Variants in VAC14 observed in about 807,000 individuals in gnomAD.
The protein encoded by VAC14 is VAC14 component of PIKFYVE complex, also known as protein VAC14 homolog.
In VAC14, 47 loss-of-function variants were observed where a neutral mutation model predicts 85.3. The observed-to-expected ratio is 0.55, with a 90% CI of 0.44 to 0.70. VAC14 has a LOEUF of 0.70. Ranked by LOEUF, VAC14 falls within the 30% of genes least tolerant of loss-of-function variation. VAC14 has a pLI of 0.00. For synonymous variants in VAC14, 447 were observed against 430.5 expected, an observed-to-expected ratio of 1.04 and a Z score of -0.47; for missense variants, 861 against 1,004.3, an observed-to-expected ratio of 0.86 and a Z score of 1.93.
At chr16:70,741,799 C>T (rs1303110650) in intron 13 of VAC14, among the ~76,000 whole-genome samples, 1 of 152,252 alleles carries the variant, frequency 6.6e-6, no homozygotes, top group Non-Finnish European at 1.5e-5. Context: ...GCAAGAGTCT[C>T]TACTGCCATA....
At chr16:70,697,031 G>A in intron 16 of VAC14, 108 bp downstream of exon 16, 2 of 832,200 alleles carry the variant, frequency 2.4e-6, no homozygotes, top group Middle Eastern at 2.3e-4. Flanking sequence ...GTGGAGGGGT[G>A]GGGACAGGAG....
Position 70,731,750 on chromosome 16 carries a change from G to C in VAC14, c.1529-123C>G, listed in dbSNP as rs988788162. 7 of 1,070,784 alleles carry C rather than the reference G, an allele frequency of 6.5e-6. No homozygotes were observed. In the African/African-American group the frequency reaches 1.1e-4, roughly 17 times the overall value. The allele number at this position is 1,070,784 out of a possible 1,614,324, so 66.3% of individuals were successfully genotyped here. A position where few individuals can be genotyped will look rare whatever the true frequency, so the allele number is the denominator to read the frequency against. On this transcript the variant is annotated intron_variant, in intron 13 of 18. Coordinates refer to ENST00000261776, the MANE Select transcript of VAC14 (RefSeq NM_018052.5). ...ATGTGTGTGGGGGGTGTTATAACAA[G>C]ATGAGGGAAAATCTCTAATCAAGAG...
At chr16:70,758,949 G>A (rs1015311759) in intron 12 of VAC14, among the ~76,000 whole-genome samples, 3 of 152,244 alleles carry the variant, frequency 2.0e-5, no homozygotes, top group African/African-American at 7.2e-5. Context: ...CTTGAATAAT[G>A]GGAAGGCAGA....
intron 13 of VAC14, among the ~76,000 whole-genome samples, chr16:70,738,547 CA>C (rs2029934223): frequency 6.6e-6 from 1 of 151,962 alleles, no homozygotes; most frequent in Non-Finnish European, 1.5e-5. Flanking sequence ...GGGCCAAAGG[CA>C]GCGAGGAGAG....
intron 16 of VAC14, among the ~76,000 whole-genome samples, chr16:70,696,174 C>T (rs2053703162): frequency 6.6e-6 from 1 of 152,202 alleles, no homozygotes; most frequent in African/African-American, 2.4e-5. Context: ...TCCTGGGTTA[C>T]ATGTCAGGCA....
Position 70,697,122 on chromosome 16 carries a change from A to G in VAC14, c.1955+17T>C, listed in dbSNP as rs1232342355. 2 of 1,602,002 alleles carry G rather than the reference A, an allele frequency of 1.2e-6. No homozygotes were observed. Among genetic ancestry groups the G allele is most frequent in the South Asian group, 1.1e-5 (1 of 90,658 alleles). ...CCCTCAGAGGCTCAACCCCAACCAC[A>G]GTGAGAGGAAGGATACAACTTCTGG... On this transcript the variant is annotated intron_variant, in intron 16 of 18. Transcript: ENST00000261776.
intron 14 of VAC14, among the ~76,000 whole-genome samples, chr16:70,721,393 G>A (rs1290925100): frequency 6.6e-6 from 1 of 151,996 alleles, no homozygotes; most frequent in African/African-American, 2.4e-5. Flanking sequence ...AAGAGGAAGA[G>A]GAGGAGGTGG....
At chr16:70,706,288 G>A (rs1055100612) in intron 14 of VAC14, among the ~76,000 whole-genome samples, 10 of 152,252 alleles carry the variant, frequency 6.6e-5, no homozygotes, top group African/African-American at 1.4e-4. Context: ...TGGGCTGGAT[G>A]CTGATTCTGA....
chr16:70,698,727 G>C lies in VAC14; in HGVS notation c.1746C>G (p.Ala582=). The stretch of plus-strand genomic sequence containing the variant: ...TGTTGAGGGCGTGGACCATGGTCGA[G>C]GCGAACTTGAGGTCCTCCTCCCGCA... ...ILLREEDLKF[A]STMVHALNTI... Residue 582 remains alanine, a synonymous_variant, in exon 15 of 19, where the codon GCC becomes GCG. Transcript: ENST00000261776. The C allele has an allele frequency of 6.2e-7, 1 of 1,614,200 alleles. No individual in the cohort carries two copies. Among genetic ancestry groups the C allele is most frequent in the Non-Finnish European group, 8.5e-7 (1 of 1,180,020 alleles).
intron 15 of VAC14, 104 bp from the exon 16 acceptor site, chr16:70,697,361 C>A: frequency 1.1e-6 from 1 of 901,324 alleles, no homozygotes; most frequent in Admixed American, 2.4e-5. Context: ...GTCCCAGGGG[C>A]CTTCAGTCGG....
intron 8 of VAC14, 117 bp from the exon 9 acceptor site, chr16:70,781,056 TG>T: frequency 7.0e-7 from 1 of 1,420,582 alleles, no homozygotes. Flanking sequence ...GTTTCGGTCA[TG>T]GGGGTGGATC....
chr16:70,730,711 T>G (rs1048794589), intron 14 of VAC14, among the ~76,000 whole-genome samples: 14 of 151,408 alleles, frequency 9.2e-5, no homozygotes, highest in Middle Eastern at 3.2e-3. Context: ...GATTTGTGTG[T>G]CTCAGCCTCT....
intron 10 of VAC14, among the ~76,000 whole-genome samples, chr16:70,764,417 A>T (rs997594029): frequency 1.3e-5 from 2 of 152,060 alleles, no homozygotes; most frequent in Admixed American, 1.3e-4. Context: ...GAAACACTTA[A>T]ATCTTTGCTA....
chr16:70,729,749 C>G (rs2054535258), intron 14 of VAC14, among the ~76,000 whole-genome samples: 1 of 152,074 alleles, frequency 6.6e-6, no homozygotes, highest in Non-Finnish European at 1.5e-5. Flanking sequence ...TAAGAACTCC[C>G]TAAGAATGAA....
At chr16:70,779,781 T>C (rs886971260) in intron 9 of VAC14, among the ~76,000 whole-genome samples, 12 of 152,076 alleles carry the variant, frequency 7.9e-5, no homozygotes, top group Non-Finnish European at 4.4e-5. Context: ...GCATCAGGGT[T>C]CTAGATTACA....
intron 10 of VAC14, among the ~76,000 whole-genome samples, chr16:70,767,708 C>A (rs1444212078): frequency 6.6e-6 from 1 of 152,166 alleles, no homozygotes; most frequent in Non-Finnish European, 1.5e-5. Flanking sequence ...AGCTTGGCTA[C>A]TAATTAGTTG....
chr16:70,722,886 C>T (rs1323597941), intron 14 of VAC14, among the ~76,000 whole-genome samples: 1 of 152,050 alleles, frequency 6.6e-6, no homozygotes, highest in South Asian at 2.1e-4. Flanking sequence ...TCAAGACCAG[C>T]CTGGGCAACA....
At chr16:70,748,290 G>C (rs992841117) in intron 12 of VAC14, among the ~76,000 whole-genome samples, 2 of 152,214 alleles carry the variant, frequency 1.3e-5, no homozygotes, top group African/African-American at 4.8e-5. Context: ...CTGGGTATAA[G>C]AGACACAAGG....
At position 70,689,099 on chromosome 16, in the gene VAC14, C is replaced by T. The variant is rs957568841; in HGVS notation, c.2187-1009G>A. ...GGGGGGTGCAGGCACTGGCAGAGCACAGGATCTAGACAGACCTGGACCCAA... is the reference window on the plus strand; with the variant it reads ...GGGGGGTGCAGGCACTGGCAGAGCATAGGATCTAGACAGACCTGGACCCAA... On this transcript the variant is annotated intron_variant, in intron 18 of 18. Coordinates refer to ENST00000261776, the MANE Select transcript of VAC14 (RefSeq NM_018052.5). 6.1e-6 allele frequency: 6 copies of T among 984,928 alleles called. No individual in the cohort carries two copies. In the African/African-American group the frequency reaches 1.0e-4, roughly 17 times the overall value. The allele number at this position is 984,928 out of a possible 1,614,324, so 61.0% of individuals were successfully genotyped here. A position where few individuals can be genotyped will look rare whatever the true frequency, so the allele number is the denominator to read the frequency against.
Sources: allele counts gnomAD v4.1 joint callset (sites outside exome capture counted in the v4.1 genomes callset), GRCh38; gene constraint gnomAD v4.1.1; transcripts MANE v1.5; gene names NCBI Gene and HGNC (gene_info 2026-07-23, HGNC 2026-07-21).